CDCA4: variants seen among roughly 807,000 people sequenced by gnomAD.
CDCA4 encodes cell division cycle associated 4.
For missense variants in CDCA4, 294 were observed against 322.1 expected (o/e 0.91, Z 0.67); for synonymous variants, 130 against 137.0 (o/e 0.95, Z 0.36).
chr14:105,015,483 A>G (rs1295551872), intron 1 of CDCA4, among the ~76,000 whole-genome samples: 3 of 37,432 alleles, frequency 8.0e-5, no homozygotes, highest in African/African-American at 1.4e-4. Flanking sequence ...AGGTTGCCCT[A>G]GTCAGACCTG....
chr14:105,019,921 C>G (rs1314097697), intron 1 of CDCA4, among the ~76,000 whole-genome samples: 1 of 152,190 alleles, frequency 6.6e-6, no homozygotes. Flanking sequence ...ACCACGTTGG[C>G]CAGCTAGTCT....
intron 1 of CDCA4, among the ~76,000 whole-genome samples, chr14:105,018,050 A>C (rs1198765251): frequency 6.6e-6 from 1 of 152,010 alleles, no homozygotes; most frequent in Non-Finnish European, 1.5e-5. Context: ...AGGCAAAGCT[A>C]ATCTAAGTTG....
chr14:105,019,924 G>A (rs965798469), intron 1 of CDCA4, among the ~76,000 whole-genome samples: 10 of 152,204 alleles, frequency 6.6e-5, no homozygotes, highest in African/African-American at 2.2e-4. Context: ...ACGTTGGCCA[G>A]CTAGTCTCGA....
intron 1 of CDCA4, among the ~76,000 whole-genome samples, chr14:105,020,598 C>G (rs1886205994): frequency 6.6e-6 from 1 of 152,200 alleles, no homozygotes; most frequent in African/African-American, 2.4e-5. Context: ...ACAGAGGGGG[C>G]TGCGGCGCGC....
chr14:105,015,818 C>T (rs539771598), intron 1 of CDCA4, among the ~76,000 whole-genome samples: 1 of 152,320 alleles, frequency 6.6e-6, no homozygotes, highest in South Asian at 2.1e-4. Flanking sequence ...GGGTGTACCA[C>T]CAGGCCTGGC....
chr14:105,017,130 AC>A (rs1900671281), intron 1 of CDCA4, among the ~76,000 whole-genome samples: 1 of 152,186 alleles, frequency 6.6e-6, no homozygotes, highest in Non-Finnish European at 1.5e-5. Flanking sequence ...CTATTCAAGG[AC>A]AGGACCAGCA....
intron 1 of CDCA4, 91 bp from the exon 2 acceptor site, chr14:105,012,026 G>A (rs148556426): frequency 6.1e-5 from 86 of 1,419,224 alleles, no homozygotes; most frequent in Middle Eastern, 2.5e-4. Context: ...CTCACTGTAC[G>A]CAAGGAGCAG....
chr14:105,011,960 C>G, intron 1 of CDCA4, 25 bp from the exon 2 acceptor site: 1 of 1,575,384 alleles, frequency 6.3e-7, no homozygotes, highest in Non-Finnish European at 8.6e-7. Flanking sequence ...GAAGACACCA[C>G]TTAGCACACG....
Position 105,011,307 on chromosome 14 carries a change from T to A in CDCA4, c.623A>T (p.Glu208Val). The stretch of plus-strand genomic sequence containing the variant: ...GGCCGGAGCCAAGCCCTCGAGCCCT[T>A]CGCAGGGGCCCGGCCTGGCACCCCC... ...MMGGARPGPCEGLEGLAPATP... is the reference protein window; with the variant it reads ...MMGGARPGPCVGLEGLAPATP... Residue 208 changes from glutamate (E) to valine (V), a missense_variant, in exon 2 of 2, where the codon GAA becomes GTA. Physicochemically the swap from Glu to Val is moderately radical, Grantham distance 121. Coordinates refer to ENST00000336219, the MANE Select transcript of CDCA4 (RefSeq NM_017955.4). The A allele has an allele frequency of 6.2e-7, 1 of 1,614,006 alleles. No individual in the cohort carries two copies. The highest frequency in any genetic ancestry group is 8.5e-7 in the Non-Finnish European group (1 of 1,179,968).
intron 1 of CDCA4, among the ~76,000 whole-genome samples, chr14:105,017,950 A>G (rs985597164): frequency 1.3e-5 from 2 of 152,180 alleles, no homozygotes; most frequent in Non-Finnish European, 2.9e-5. Flanking sequence ...TGCAACACGG[A>G]TAAATTTCAA....
intron 1 of CDCA4, among the ~76,000 whole-genome samples, chr14:105,016,091 C>T (rs977318081): frequency 6.6e-6 from 1 of 152,202 alleles, no homozygotes; most frequent in African/African-American, 2.4e-5. Flanking sequence ...CTGCCAATCA[C>T]GAGAGAGGAG....
intron 1 of CDCA4, among the ~76,000 whole-genome samples, chr14:105,017,189 G>A (rs1349132315): frequency 2.0e-5 from 3 of 151,818 alleles, no homozygotes; most frequent in South Asian, 2.1e-4. Flanking sequence ...GGCGGTCCTT[G>A]GCCTAGTTTC....
rs935492604 is a variant in CDCA4, at chr14:105,009,888, A to G, written c.*1316T>C. The stretch of plus-strand genomic sequence containing the variant: ...ATACAGCAGAACTGATCCTGCAGAA[A>G]GGTTGCTGGAGGGTCAGGCCGTGGT... On this transcript the variant is annotated 3_prime_UTR_variant, in exon 2 of 2. Transcript: ENST00000336219. 1 of 152,250 alleles carries G rather than the reference A, an allele frequency of 6.6e-6. No homozygotes were observed. Among genetic ancestry groups the G allele is most frequent in the African/African-American group, 2.4e-5 (1 of 41,472 alleles). The allele number at this position is 152,250 out of a possible 1,614,324, so 9.4% of individuals were successfully genotyped here.
Position 105,011,139 on chromosome 14 carries a change from T to C in CDCA4, c.*65A>G. 6.6e-7 allele frequency: 1 copy of C among 1,519,192 alleles called. No homozygotes were observed. The highest frequency in any genetic ancestry group is 2.3e-5 in the East Asian group (1 of 43,278). 94.1% of individuals were successfully genotyped at this position (1,519,192 alleles called of 1,614,324 possible). ...TGGGCCGCTGGCGGCAGGCGCACCC[T>C]CCGTGGGAGCCAGTGCTCACGTGTC... is the stretch of plus-strand genomic sequence containing the variant. On this transcript the variant is annotated 3_prime_UTR_variant, in exon 2 of 2. Coordinates refer to ENST00000336219, the MANE Select transcript of CDCA4 (RefSeq NM_017955.4).
chr14:105,011,058 C>A lies in CDCA4; in HGVS notation c.*146G>T. 1 of 981,484 alleles carries A rather than the reference C, an allele frequency of 1.0e-6. No individual in the cohort carries two copies. The allele number at this position is 981,484 out of a possible 1,614,324, so 60.8% of individuals were successfully genotyped here. On this transcript the variant is annotated 3_prime_UTR_variant, in exon 2 of 2. Coordinates refer to ENST00000336219, the MANE Select transcript of CDCA4 (RefSeq NM_017955.4). ...TGGGACGGGCCTAGGGCTGCAGCCC[C>A]ACTGGTAATGGGCTGTTCTGGGATT...
At chr14:105,019,053 G>A (rs1166482455) in intron 1 of CDCA4, among the ~76,000 whole-genome samples, 2 of 151,970 alleles carry the variant, frequency 1.3e-5, no homozygotes, top group Non-Finnish European at 2.9e-5. Flanking sequence ...CAGTTTTGAA[G>A]CTCTTTCTAC....
intron 1 of CDCA4, 75 bp from the exon 2 acceptor site, chr14:105,012,010 A>C: frequency 2.7e-6 from 4 of 1,499,836 alleles, no homozygotes; most frequent in Non-Finnish European, 3.6e-6. Context: ...ATTTCGTCTG[A>C]CTGCCCTCAC....
In CDCA4 at chr14:105,011,521, C is replaced by A. The variant is rs1343713945; in HGVS notation, c.409G>T (p.Ala137Ser). ...SDLCPVTSAQ[A>S]PRHLQSSAWE... Reference sequence around the variant, plus strand: ...GCGCTGCTCTGCAGGTGCCTTGGTGCCTGTGCTGAGGTGACTGGGCAAAGG... The same window carrying A: ...GCGCTGCTCTGCAGGTGCCTTGGTGACTGTGCTGAGGTGACTGGGCAAAGG... Residue 137 changes from alanine (A) to serine (S), a missense_variant, in exon 2 of 2, where the codon GCA becomes TCA. Transcript: ENST00000336219. The A allele has an allele frequency of 1.9e-6, 3 of 1,614,084 alleles. No homozygotes were observed. The highest frequency in any genetic ancestry group is 2.5e-6 in the Non-Finnish European group (3 of 1,180,032).
Position 105,011,616 on chromosome 14 carries a change from G to A in CDCA4, c.314C>T (p.Ala105Val), listed in dbSNP as rs549418658. Residue 105 changes from alanine to valine, a missense_variant, in exon 2 of 2, where the codon GCG (alanine) becomes GTG (valine). Ala to Val is a moderately conservative substitution (Grantham distance 64). Coordinates refer to ENST00000336219, the MANE Select transcript of CDCA4 (RefSeq NM_017955.4). ...AGGATGTGCCCCCTCTTGCCCCCAC[G>A]CTGCACGGCACAGGATCTCCGTGGA... Reference protein sequence around the residue: ...LVSTEILCRAAWGQEGAHPAP... With the variant: ...LVSTEILCRAVWGQEGAHPAP... 2.1e-5 allele frequency: 34 copies of A among 1,613,730 alleles called. No homozygotes were observed. Among genetic ancestry groups the A allele is most frequent in the Admixed American group, 1.5e-4 (9 of 60,012 alleles).
Sources: allele counts gnomAD v4.1 joint callset (sites outside exome capture counted in the v4.1 genomes callset), GRCh38; gene constraint gnomAD v4.1.1; transcripts MANE v1.5; gene names NCBI Gene and HGNC (gene_info 2026-07-23, HGNC 2026-07-21).